EPB41L1: variants seen among roughly 807,000 people sequenced by gnomAD.
EPB41L1 encodes the protein erythrocyte membrane protein band 4.1 like 1.
In EPB41L1, 29 loss-of-function variants were observed where a neutral mutation model predicts 97.8. That is an observed-to-expected ratio of 0.30 (90% CI 0.22 to 0.40). The LOEUF (loss-of-function observed/expected upper bound fraction) is 0.40, where lower values mean the gene tolerates loss of function less well. Ranked by LOEUF, EPB41L1 falls within the 10% of genes least tolerant of loss-of-function variation. The pLI is 1.00. For missense variants in EPB41L1, 812 were observed against 1,162.3 expected, an observed-to-expected ratio of 0.70 and a Z score of 4.38; for synonymous variants, 383 against 459.2, an observed-to-expected ratio of 0.83 and a Z score of 2.12.
intron 1 of EPB41L1, among the ~76,000 whole-genome samples, chr20:36,098,735 C>T (rs946292594): frequency 4.6e-5 from 7 of 152,124 alleles, no homozygotes; most frequent in African/African-American, 1.7e-4. Context: ...ACTGTTCAAC[C>T]CAATACATGC....
Position 36,093,860 on chromosome 20 carries a change from C to CA in EPB41L1, c.-65+2249dup, listed in dbSNP as rs2057746430. On this transcript the variant is annotated intron_variant, in intron 1 of 19. Coordinates refer to the EPB41L1 transcript ENST00000202028. This position sits in a 1 kb window ranked among gnomAD's most constrained non-coding sequence, Gnocchi z 5.4. ...CCCCTCCGGCCTCCCCCCAGCCCCC[C>CA]ACCAGACCTAGCCTGTGCCAGTCTC... 6.6e-6 allele frequency among the ~76,000 whole-genome samples: 1 copy of CA among 152,066 alleles called. No individual in the cohort carries two copies. The highest frequency in any genetic ancestry group is 1.9e-4 in the East Asian group (1 of 5,180).
chr20:36,149,561 C>T (rs1048431335), intron 2 of EPB41L1, among the ~76,000 whole-genome samples: 6 of 152,256 alleles, frequency 3.9e-5, no homozygotes, highest in Non-Finnish European at 8.8e-5. Flanking sequence ...CACCTGTCCA[C>T]CCTGCCTACT....
chr20:36,198,279 C>T (rs1033274836), intron 14 of EPB41L1, among the ~76,000 whole-genome samples: 10 of 152,286 alleles, frequency 6.6e-5, no homozygotes, highest in South Asian at 2.1e-4. Flanking sequence ...GGTAGCTTGG[C>T]GTACTCCCCT....
At chr20:36,167,277 C>T (rs568469876) in intron 1 of EPB41L1, among the ~76,000 whole-genome samples, 1 of 151,954 alleles carries the variant, frequency 6.6e-6, no homozygotes, top group Non-Finnish European at 1.5e-5. Flanking sequence ...GTGATGGTGG[C>T]GGCTTGGGGA....
chr20:36,190,928 C>T lies in EPB41L1; in HGVS notation c.1300+131C>T. ...CCAAGTTCATCTGCACCAGGCTGGC[C>T]CCTCAAGACCAGTGCTGTCCCTGGG... On this transcript the variant is annotated intron_variant, in intron 11 of 21. Transcript: ENST00000338074. This position sits in a 1 kb window ranked among gnomAD's most constrained non-coding sequence, Gnocchi z 5.8. The T allele has an allele frequency of 1.6e-6, 2 of 1,286,936 alleles. No individual in the cohort carries two copies. The highest frequency in any genetic ancestry group is 2.0e-5 in the Admixed American group (1 of 50,626). 79.7% of individuals were successfully genotyped at this position (1,286,936 alleles called of 1,614,324 possible). A position where few individuals can be genotyped will look rare whatever the true frequency, so the allele number is the denominator to read the frequency against.
In EPB41L1 at chr20:36,206,546, T is replaced by C. The variant is rs748249929; in HGVS notation, c.1669-2942T>C. 13 of 1,289,770 alleles carry C rather than the reference T, an allele frequency of 1.0e-5. No individual in the cohort carries two copies. In the East Asian group the frequency reaches 6.1e-4, roughly 61 times the overall value. The allele number at this position is 1,289,770 out of a possible 1,614,324, so 79.9% of individuals were successfully genotyped here. On this transcript the variant is annotated intron_variant, in intron 14 of 21. Coordinates refer to ENST00000338074, the MANE Select transcript of EPB41L1 (RefSeq NM_012156.2). The surrounding 1 kb of genome is among the most constrained non-coding windows in gnomAD (Gnocchi z 5.5). ...CCCCTGGAGGAGAGAAAAGGGCGCC[T>C]GGATGCCCCTCCCGGAGGTGAGCCC...
intron 14 of EPB41L1, among the ~76,000 whole-genome samples, chr20:36,204,711 G>T (rs1422567326): frequency 6.6e-6 from 1 of 150,416 alleles, no homozygotes; most frequent in Non-Finnish European, 1.5e-5. Flanking sequence ...GCACAGTCTC[G>T]GCTCACTGCA....
At position 36,133,176 on chromosome 20, in the gene EPB41L1, C is replaced by G. The variant is rs370792788; in HGVS notation, c.-10+20696C>G. Among the ~76,000 whole-genome samples, 6 of 152,178 alleles carry G rather than the reference C, an allele frequency of 3.9e-5. No homozygotes were observed. The East Asian group carries it at 9.6e-4, about 24-fold the overall frequency. ...GTTGGCCTGGTCCACCAGCGTTGAG[C>G]CCCGCCTTGTTTCTGGCCTGGGACT... On this transcript the variant is annotated intron_variant, in intron 2 of 19. Transcript: ENST00000202028.
At chr20:36,204,762 C>T (rs2062708201) in intron 14 of EPB41L1, among the ~76,000 whole-genome samples, 1 of 152,082 alleles carries the variant, frequency 6.6e-6, no homozygotes, top group African/African-American at 2.4e-5. Context: ...CTGCCTCAGC[C>T]TCCCAAGTAG....
chr20:36,199,380 G>C (rs1349979313), intron 14 of EPB41L1, among the ~76,000 whole-genome samples: 1 of 152,182 alleles, frequency 6.6e-6, no homozygotes, highest in Non-Finnish European at 1.5e-5. Context: ...TAAAGACCAG[G>C]TAGAGAGTCA....
chr20:36,115,151 A>G (rs1426593509), intron 2 of EPB41L1, among the ~76,000 whole-genome samples: 1 of 152,126 alleles, frequency 6.6e-6, no homozygotes, highest in Non-Finnish European at 1.5e-5. Context: ...AGGTCCTATT[A>G]TTACTATTAT....
At chr20:36,201,881 T>G (rs1003771199) in intron 14 of EPB41L1, among the ~76,000 whole-genome samples, 1 of 152,216 alleles carries the variant, frequency 6.6e-6, no homozygotes, top group Admixed American at 6.5e-5. Flanking sequence ...CCCCTGTTGA[T>G]GTATGCTCTC....
At chr20:36,111,695 G>A (rs1475018031) in intron 1 of EPB41L1, among the ~76,000 whole-genome samples, 1 of 150,730 alleles carries the variant, frequency 6.6e-6, no homozygotes, top group Non-Finnish European at 1.5e-5. Flanking sequence ...ACTGAGATAG[G>A]AGAATCGTTT....
At chr20:36,151,978 G>C (rs1306907919), upstream of EPB41L1, 1 of 152,124 alleles carries the variant, frequency 6.6e-6, no homozygotes, top group Non-Finnish European at 1.5e-5. Context: ...GTGGTGGCAG[G>C]CGCCTGTAGT....
intron 2 of EPB41L1, among the ~76,000 whole-genome samples, chr20:36,128,661 T>C (rs1425781985): frequency 6.6e-6 from 1 of 152,168 alleles, no homozygotes; most frequent in East Asian, 1.9e-4. Flanking sequence ...GTAAGCAATG[T>C]CAATTTCTTA....
At position 36,212,207 on chromosome 20, in the gene EPB41L1, T is replaced by C; in HGVS notation, c.2080-65T>C. The C allele has an allele frequency of 3.3e-6, 5 of 1,497,970 alleles. No homozygotes were observed. Among genetic ancestry groups the C allele is most frequent in the Non-Finnish European group, 4.7e-6 (5 of 1,075,110 alleles). 92.8% of individuals were successfully genotyped at this position (1,497,970 alleles called of 1,614,324 possible). A position where few individuals can be genotyped will look rare whatever the true frequency, so the allele number is the denominator to read the frequency against. ...ATAGCCTGCAGACACCACACTGCAA[T>C]TGTCTGTGAGCAAGGGTCATGCTAG... On this transcript the variant is annotated intron_variant, in intron 15 of 21. Transcript: ENST00000338074. The surrounding 1 kb of genome is among the most constrained non-coding windows in gnomAD (Gnocchi z 4.8).
At chr20:36,178,534 G>A (rs960775827) in intron 4 of EPB41L1, 96 bp from the exon 5 acceptor site, 9 of 1,271,870 alleles carry the variant, frequency 7.1e-6, no homozygotes, top group Non-Finnish European at 6.9e-6. Context: ...CCCTACAAGG[G>A]GCTGCTGACC....
chr20:36,232,516 C>T lies in EPB41L1; in HGVS notation c.*3176C>T. The T allele has an allele frequency of 5.0e-6, 2 of 398,516 alleles. No homozygotes were observed. Among genetic ancestry groups the T allele is most frequent in the South Asian group, 1.4e-4 (1 of 7,358 alleles). The allele number at this position is 398,516 out of a possible 1,614,324, so 24.7% of individuals were successfully genotyped here. A position where few individuals can be genotyped will look rare whatever the true frequency, so the allele number is the denominator to read the frequency against. On this transcript the variant is annotated 3_prime_UTR_variant, in exon 22 of 22. Transcript: ENST00000338074. The stretch of plus-strand genomic sequence containing the variant: ...TTTGTTTTCTCTGGATCTTTTCCAT[C>T]TGAGGGTACAGGAAGTACCAGGACC...
chr20:36,183,135 C>A (rs1386081405), intron 6 of EPB41L1, among the ~76,000 whole-genome samples: 1 of 152,196 alleles, frequency 6.6e-6, no homozygotes, highest in Non-Finnish European at 1.5e-5. Context: ...TTCTCTTAAG[C>A]CCTTTCCAAA....
Sources: allele counts gnomAD v4.1 joint callset (sites outside exome capture counted in the v4.1 genomes callset), GRCh38; gene constraint gnomAD v4.1.1; non-coding constraint Gnocchi (gnomAD v3.1); transcripts MANE v1.5; gene names NCBI Gene and HGNC (gene_info 2026-07-23, HGNC 2026-07-21).